The following TAFA5 variants were observed in gnomAD, a reference collection of about 807,000 sequenced individuals.
TAFA5 encodes chemokine-like protein TAFA-5.
In TAFA5, 6 loss-of-function variants were observed where a neutral mutation model predicts 15.3. That is an observed-to-expected ratio of 0.39 (90% CI 0.21 to 0.77). TAFA5 has a LOEUF of 0.77. Ranked by LOEUF, TAFA5 falls within the 30% of genes least tolerant of loss-of-function variation. TAFA5 has a pLI of 0.41. For missense variants in TAFA5, 161 were observed against 193.1 expected (o/e 0.83, Z 0.98); for synonymous variants, 103 against 80.7 (o/e 1.28, Z -1.48).
At position 48,653,650 on chromosome 22, in the gene TAFA5, C is replaced by T. The variant is rs181858468; in HGVS notation, c.262+6904C>T. ...TTACCCAGCAGTTCCTTCCAGATCT[C>T]GGTGCGTTTAATTGTTGGAAAACCA... On this transcript the variant is annotated intron_variant, in intron 2 of 3. Coordinates refer to ENST00000402357, the MANE Select transcript of TAFA5 (RefSeq NM_001082967.3). Among the ~76,000 whole-genome samples the T allele has an allele frequency of 3.9e-5, 6 of 152,300 alleles. No homozygotes were observed. The East Asian group carries it at 9.6e-4, about 24-fold the overall frequency.
intron 3 of TAFA5, among the ~76,000 whole-genome samples, chr22:48,748,722 G>T (rs1264619665): frequency 1.3e-5 from 2 of 152,200 alleles, no homozygotes; most frequent in African/African-American, 2.4e-5. Flanking sequence ...AGCTGGCCAG[G>T]GTGCTGGAGA....
chr22:48,683,137 A>C (rs1928247258), intron 2 of TAFA5, among the ~76,000 whole-genome samples: 1 of 152,190 alleles, frequency 6.6e-6, no homozygotes, highest in Admixed American at 6.5e-5. Context: ...CTACAGGGTC[A>C]CAGCCAGGTT....
chr22:48,577,082 A>AC (rs1031888580), intron 1 of TAFA5, among the ~76,000 whole-genome samples: 1 of 152,090 alleles, frequency 6.6e-6, no homozygotes, highest in Non-Finnish European at 1.5e-5. Flanking sequence ...CCTTCCAGAG[A>AC]CCCATAGGTT....
intron 1 of TAFA5, among the ~76,000 whole-genome samples, chr22:48,599,962 C>T (rs969605891): frequency 2.6e-5 from 4 of 152,208 alleles, no homozygotes; most frequent in Non-Finnish European, 4.4e-5. Context: ...TGCCTCGATT[C>T]CCTCTTGGCC....
At chr22:48,540,963 C>T (rs1241028466) in intron 1 of TAFA5, among the ~76,000 whole-genome samples, 1 of 151,852 alleles carries the variant, frequency 6.6e-6, no homozygotes, top group African/African-American at 2.4e-5. Flanking sequence ...TCTGTGTGGA[C>T]GTGAGGCTCC....
intron 1 of TAFA5, among the ~76,000 whole-genome samples, chr22:48,632,945 C>T (rs914984298): frequency 2.0e-5 from 3 of 152,196 alleles, no homozygotes; most frequent in African/African-American, 4.8e-5. Context: ...TTCCACTAGA[C>T]GGCTGCAGGC....
At chr22:48,735,048 C>A (rs926679663) in intron 3 of TAFA5, among the ~76,000 whole-genome samples, 1 of 152,232 alleles carries the variant, frequency 6.6e-6, no homozygotes, top group Non-Finnish European at 1.5e-5. Flanking sequence ...ACGCCTGACC[C>A]TGTGCACCTA....
intron 1 of TAFA5, among the ~76,000 whole-genome samples, chr22:48,635,185 C>G (rs1926401288): frequency 6.6e-6 from 1 of 152,232 alleles, no homozygotes; most frequent in South Asian, 2.1e-4. Context: ...CAGCTGGGGC[C>G]AGAGAGCAGG....
intron 2 of TAFA5, among the ~76,000 whole-genome samples, chr22:48,655,963 C>T (rs900246747): frequency 2.6e-5 from 4 of 151,156 alleles, no homozygotes; most frequent in East Asian, 4.0e-4. Context: ...CTCAGCCTCC[C>T]GAGTAGCAGG....
In TAFA5 at chr22:48,566,083, G is replaced by A. The variant is rs768612742; in HGVS notation, c.112+76379G>A. 6.6e-6 allele frequency among the ~76,000 whole-genome samples: 1 copy of A among 151,852 alleles called. No individual in the cohort carries two copies. Among genetic ancestry groups the A allele is most frequent in the African/African-American group, 2.4e-5 (1 of 41,314 alleles). The stretch of plus-strand genomic sequence containing the variant: ...GATGATGGATGGATGGATGGATGAT[G>A]GATGAATGATAGGTGGATATGGATA... On this transcript the variant is annotated intron_variant, in intron 1 of 3. Transcript: ENST00000402357. This position sits in a 1 kb window ranked among gnomAD's most constrained non-coding sequence, Gnocchi z 4.5.
intron 3 of TAFA5, among the ~76,000 whole-genome samples, chr22:48,735,186 G>A (rs9628526): frequency 0.019 from 2,939 of 152,274 alleles, 85 homozygotes; most frequent in African/African-American, 0.067. Flanking sequence ...GACCACCCAC[G>A]AGCCACAGAG....
chr22:48,512,850 G>T (rs1170048082), intron 1 of TAFA5, among the ~76,000 whole-genome samples: 1 of 150,740 alleles, frequency 6.6e-6, no homozygotes. Flanking sequence ...GTGAACCTGG[G>T]AGGAGGAGCT....
At chr22:48,710,626 G>A (rs1414530665) in intron 3 of TAFA5, among the ~76,000 whole-genome samples, 2 of 152,226 alleles carry the variant, frequency 1.3e-5, no homozygotes, top group Non-Finnish European at 2.9e-5. Context: ...TGCTCACCGT[G>A]TCAGCTCAGT....
intron 1 of TAFA5, among the ~76,000 whole-genome samples, chr22:48,644,411 C>T (rs1466338261): frequency 1.3e-5 from 2 of 152,236 alleles, no homozygotes; most frequent in Non-Finnish European, 2.9e-5. Context: ...GCAGCCTGGC[C>T]TGGGGCACCT....
intron 1 of TAFA5, among the ~76,000 whole-genome samples, chr22:48,519,759 G>A (rs133495): frequency 0.06 from 9,174 of 152,200 alleles, 406 homozygotes; most frequent in South Asian, 0.16. Flanking sequence ...CTCTCTGCAG[G>A]AGGGAGGTGA....
chr22:48,701,808 C>T (rs1928915684), intron 2 of TAFA5, among the ~76,000 whole-genome samples: 1 of 152,226 alleles, frequency 6.6e-6, no homozygotes, highest in African/African-American at 2.4e-5. Context: ...CTGCCTCCCT[C>T]CCCTGAAACA....
chr22:48,530,789 C>A lies in TAFA5; in HGVS notation c.112+41085C>A, dbSNP rs1569169329. Reference sequence around the variant, plus strand: ...AGGGGGCCGGTGGCAGAGGGAGTTCCCAGGAGTGAGGTTTGGGGCAGGAGA... The same window carrying A: ...AGGGGGCCGGTGGCAGAGGGAGTTCACAGGAGTGAGGTTTGGGGCAGGAGA... On this transcript the variant is annotated intron_variant, in intron 1 of 3. Coordinates refer to ENST00000402357, the MANE Select transcript of TAFA5 (RefSeq NM_001082967.3). This position sits in a 1 kb window ranked among gnomAD's most constrained non-coding sequence, Gnocchi z 6.0. 6.6e-6 allele frequency among the ~76,000 whole-genome samples: 1 copy of A among 152,120 alleles called. No homozygotes were observed. The highest frequency in any genetic ancestry group is 1.5e-5 in the Non-Finnish European group (1 of 68,012).
At chr22:48,658,140 G>A (rs567306798) in intron 2 of TAFA5, among the ~76,000 whole-genome samples, 2 of 152,194 alleles carry the variant, frequency 1.3e-5, no homozygotes, top group African/African-American at 4.8e-5. Context: ...GACGTTTCAG[G>A]GAAGGGTGCA....
At chr22:48,495,670 C>G (rs562811189) in intron 1 of TAFA5, among the ~76,000 whole-genome samples, 1 of 152,210 alleles carries the variant, frequency 6.6e-6, no homozygotes, top group Admixed American at 6.5e-5. Context: ...TCTGGGCTGC[C>G]GTCACTTGAG....
Sources: allele counts gnomAD v4.1 joint callset (sites outside exome capture counted in the v4.1 genomes callset), GRCh38; gene constraint gnomAD v4.1.1; non-coding constraint Gnocchi (gnomAD v3.1); transcripts MANE v1.5; gene names NCBI Gene and HGNC (gene_info 2026-07-23, HGNC 2026-07-21).